RTN4RL1: variants seen among roughly 807,000 people sequenced by gnomAD.
RTN4RL1 encodes the protein reticulon-4 receptor-like 1.
In RTN4RL1, 7 loss-of-function variants were observed where a neutral mutation model predicts 25.6. That is an observed-to-expected ratio of 0.27 (90% CI 0.16 to 0.51). The LOEUF is 0.51. RTN4RL1 is among the 20% of genes least tolerant of loss of function. The pLI, the probability that RTN4RL1 is intolerant of heterozygous loss-of-function variation, is 0.97. For synonymous variants in RTN4RL1, 297 were observed against 288.2 expected (o/e 1.03, Z -0.31); for missense variants, 500 against 615.6 (o/e 0.81, Z 1.99).
At chr17:2,013,314 G>A (rs2067073164) in intron 1 of RTN4RL1, among the ~76,000 whole-genome samples, 1 of 152,238 alleles carries the variant, frequency 6.6e-6, no homozygotes, top group African/African-American at 2.4e-5. Context: ...GCTGCCAGGA[G>A]GGCTAGTGGC....
At chr17:1,995,268 A>G (rs577494166) in intron 1 of RTN4RL1, among the ~76,000 whole-genome samples, 71 of 152,222 alleles carry the variant, frequency 4.7e-4, no homozygotes, top group African/African-American at 1.6e-3. Flanking sequence ...TCTACTAAAA[A>G]TACAAAAATT....
At chr17:1,975,630 A>G (rs1442139116) in intron 1 of RTN4RL1, among the ~76,000 whole-genome samples, 1 of 152,142 alleles carries the variant, frequency 6.6e-6, no homozygotes, top group Non-Finnish European at 1.5e-5. Context: ...CAGCCTGGGC[A>G]ACAGAGTGAG....
chr17:2,006,799 A>T (rs1305199626), intron 1 of RTN4RL1, among the ~76,000 whole-genome samples: 2 of 150,884 alleles, frequency 1.3e-5, no homozygotes, highest in Admixed American at 6.6e-5. Context: ...TTTTGCATTT[A>T]TTTTTTTTAG....
intron 1 of RTN4RL1, among the ~76,000 whole-genome samples, chr17:1,996,783 TA>T (rs1024844333): frequency 7.9e-5 from 12 of 152,058 alleles, no homozygotes; most frequent in African/African-American, 2.4e-4. Context: ...CTAATGCTCC[TA>T]AAAAAAACCT....
At position 1,948,798 on chromosome 17, in the gene RTN4RL1, CTTTTT is replaced by C. The variant is rs1319952280; in HGVS notation, c.14-10995_14-10991del. Among the ~76,000 whole-genome samples, 5 of 151,552 alleles carry C rather than the reference CTTTTT, an allele frequency of 3.3e-5. No homozygotes were observed. In the East Asian group the frequency reaches 9.6e-4, roughly 29 times the overall value. On this transcript the variant is annotated intron_variant, in intron 1 of 1. Coordinates refer to ENST00000331238, the MANE Select transcript of RTN4RL1 (RefSeq NM_178568.4). ...GGGTGGGGACCTACTGTTTTCTTTT[CTTTTT>C]CTTTTTTTTTTTTGAGACAATCTCA... is the stretch of plus-strand genomic sequence containing the variant.
At position 1,997,774 on chromosome 17, in the gene RTN4RL1, C is replaced by A. The variant is rs1409503137; in HGVS notation, c.13+27079G>T. Among the ~76,000 whole-genome samples, 13 of 152,356 alleles carry A rather than the reference C, an allele frequency of 8.5e-5. No homozygotes were observed. In the East Asian group the frequency reaches 2.5e-3, roughly 29 times the overall value. ...CTGCTGGCTTTAAACCACTAGGACT[C>A]GGAGGTCAGGCCTGAGCCGGGGCTG... On this transcript the variant is annotated intron_variant, in intron 1 of 1. Transcript: ENST00000331238.
intron 1 of RTN4RL1, among the ~76,000 whole-genome samples, chr17:2,021,177 T>C (rs1567534113): frequency 6.6e-6 from 1 of 152,092 alleles, no homozygotes; most frequent in Non-Finnish European, 1.5e-5. Context: ...TGCAAGGCAG[T>C]CCCCCTCAGT....
At chr17:1,955,689 T>G (rs1915777328) in intron 1 of RTN4RL1, among the ~76,000 whole-genome samples, 1 of 151,956 alleles carries the variant, frequency 6.6e-6, no homozygotes. Context: ...GTTCAAGCGA[T>G]TCTCCCATCT....
At chr17:2,002,378 C>T (rs1006470156) in intron 1 of RTN4RL1, among the ~76,000 whole-genome samples, 9 of 151,046 alleles carry the variant, frequency 6.0e-5, no homozygotes, top group Admixed American at 2.0e-4. Flanking sequence ...CTGCAAGCTC[C>T]GCCTCCCGGG....
intron 1 of RTN4RL1, among the ~76,000 whole-genome samples, chr17:1,952,306 G>T (rs1915698922): frequency 6.6e-6 from 1 of 150,710 alleles, no homozygotes; most frequent in African/African-American, 2.4e-5. Flanking sequence ...GGCTGGACTT[G>T]GAGGGGCATG....
intron 1 of RTN4RL1, among the ~76,000 whole-genome samples, chr17:1,968,332 C>T (rs1004784965): frequency 1.3e-5 from 2 of 152,150 alleles, no homozygotes; most frequent in African/African-American, 2.4e-5. Context: ...AAACCCAGGA[C>T]GCTGCCTTCT....
Position 1,989,590 on chromosome 17 carries a change from T to C in RTN4RL1, c.13+35263A>G, listed in dbSNP as rs972543124. On this transcript the variant is annotated intron_variant, in intron 1 of 1. Coordinates refer to ENST00000331238, the MANE Select transcript of RTN4RL1 (RefSeq NM_178568.4). ...TTTTTTATTTATTTATTTTTATTTT[T>C]TGAGACAAAGTGTTGCTCTGTCGCC... Among the ~76,000 whole-genome samples, 3 of 152,076 alleles carry C rather than the reference T, an allele frequency of 2.0e-5. No individual in the cohort carries two copies. In the South Asian group the frequency reaches 6.2e-4, roughly 32 times the overall value.
Position 1,994,049 on chromosome 17 carries a change from G to A in RTN4RL1, c.13+30804C>T, listed in dbSNP as rs138720700. ...ACAAAGCCCCCCAGTCCCCACCCCC[G>A]GCTACGCTGAACCACCCCGTTCCTC... is the stretch of plus-strand genomic sequence containing the variant. On this transcript the variant is annotated intron_variant, in intron 1 of 1. Coordinates refer to ENST00000331238, the MANE Select transcript of RTN4RL1 (RefSeq NM_178568.4). The surrounding 1 kb of genome is among the most constrained non-coding windows in gnomAD (Gnocchi z 4.3). Among the ~76,000 whole-genome samples, 702 of 151,776 alleles carry A rather than the reference G, an allele frequency of 4.6e-3. 7 individuals are homozygous for A. Among genetic ancestry groups the A allele is most frequent in the African/African-American group, 0.016 (650 of 41,360 alleles).
intron 1 of RTN4RL1, among the ~76,000 whole-genome samples, chr17:1,964,649 G>A (rs907630714): frequency 1.3e-5 from 2 of 151,844 alleles, no homozygotes; most frequent in Middle Eastern, 3.2e-3. Flanking sequence ...GGAGAATGGC[G>A]TGAACCTGGG....
chr17:1,992,232 C>T lies in RTN4RL1; in HGVS notation c.13+32621G>A, dbSNP rs190666056. On this transcript the variant is annotated intron_variant, in intron 1 of 1. Coordinates refer to ENST00000331238, the MANE Select transcript of RTN4RL1 (RefSeq NM_178568.4). ...ACAAAAAATTAGCCGGGCGTGGTGGCGGGCGCCTGCAGTCCCAGCTACTTG... is the reference window on the plus strand; with the variant it reads ...ACAAAAAATTAGCCGGGCGTGGTGGTGGGCGCCTGCAGTCCCAGCTACTTG... Among the ~76,000 whole-genome samples, 1,252 of 151,820 alleles carry T rather than the reference C, an allele frequency of 8.2e-3. 23 individuals carry two copies. The highest frequency in any genetic ancestry group is 0.029 in the African/African-American group (1,183 of 41,386).
chr17:1,964,393 G>C lies in RTN4RL1; in HGVS notation c.14-26585C>G, dbSNP rs1389362318. Among the ~76,000 whole-genome samples, 3 of 152,112 alleles carry C rather than the reference G, an allele frequency of 2.0e-5. No individual in the cohort carries two copies. In the East Asian group the frequency reaches 5.8e-4, roughly 29 times the overall value. ...GCTTAAGTCCAGGAGTTCGAGACCAGCCTGGGCAACATGGCAAGACCCCCA... is the reference window on the plus strand; with the variant it reads ...GCTTAAGTCCAGGAGTTCGAGACCACCCTGGGCAACATGGCAAGACCCCCA... On this transcript the variant is annotated intron_variant, in intron 1 of 1. Coordinates refer to ENST00000331238, the MANE Select transcript of RTN4RL1 (RefSeq NM_178568.4).
In RTN4RL1 at chr17:1,994,340, C is replaced by T. The variant is rs1383567575; in HGVS notation, c.13+30513G>A. Among the ~76,000 whole-genome samples, 2 of 151,938 alleles carry T rather than the reference C, an allele frequency of 1.3e-5. No individual in the cohort carries two copies. Among genetic ancestry groups the T allele is most frequent in the Non-Finnish European group, 2.9e-5 (2 of 68,012 alleles). On this transcript the variant is annotated intron_variant, in intron 1 of 1. Coordinates refer to ENST00000331238, the MANE Select transcript of RTN4RL1 (RefSeq NM_178568.4). This position sits in a 1 kb window ranked among gnomAD's most constrained non-coding sequence, Gnocchi z 4.3. ...ATGCCTTGGGGGCACAGCCATGTCT[C>T]CCCTGTGCTGAGCCCACCGTGTTAC...
intron 1 of RTN4RL1, among the ~76,000 whole-genome samples, chr17:1,963,518 G>C (rs1299684703): frequency 1.3e-5 from 2 of 152,156 alleles, no homozygotes; most frequent in Non-Finnish European, 2.9e-5. Flanking sequence ...CCACCTTCAG[G>C]GGCTCCCTGC....
chr17:1,994,085 C>T lies in RTN4RL1; in HGVS notation c.13+30768G>A, dbSNP rs531542551. Among the ~76,000 whole-genome samples the T allele has an allele frequency of 2.0e-5, 3 of 152,146 alleles. No individual in the cohort carries two copies. Among genetic ancestry groups the T allele is most frequent in the African/African-American group, 7.2e-5 (3 of 41,412 alleles). On this transcript the variant is annotated intron_variant, in intron 1 of 1. Transcript: ENST00000331238. The surrounding 1 kb of genome is among the most constrained non-coding windows in gnomAD (Gnocchi z 4.3). ...ACCACCCCGTTCCTCAGGACACGTG[C>T]ACTCGAACCTCGCCGCTCCGGGTCC...
Sources: gnomAD v4.1 joint callset for allele counts (sites outside exome capture counted in the v4.1 genomes callset) on GRCh38, gnomAD v4.1.1 for gene constraint, Gnocchi (gnomAD v3.1) non-coding constraint, MANE v1.5 for transcripts, NCBI Gene and HGNC (gene_info 2026-07-23, HGNC 2026-07-21) for gene names.